Variants in ATAD2 observed in about 807,000 individuals in gnomAD.
ATAD2 encodes the protein ATPase family AAA domain-containing protein 2.
Under a neutral mutation model 168.9 loss-of-function variants are expected in ATAD2, and 62 were observed. The ratio of observed to expected loss-of-function variants is 0.37; its 90% CI spans 0.30 to 0.45. ATAD2 has a LOEUF of 0.45. Ranked by LOEUF, ATAD2 falls within the 20% of genes least tolerant of loss-of-function variation. The pLI is 1.00. For synonymous variants in ATAD2, 613 were observed against 571.6 expected (o/e 1.07, Z -1.03); for missense variants, 1,419 against 1,667.8 (o/e 0.85, Z 2.60).
intron 27 of ATAD2, among the ~76,000 whole-genome samples, chr8:123,321,987 C>CGTTTTTTTTTTTTTTTTTTTTT (rs1827481754): frequency 7.3e-6 from 1 of 136,486 alleles, no homozygotes; most frequent in African/African-American, 2.8e-5. Context: ...GTACATAAGT[C>CGTTTTTTTTTTTTTTTTTTTTT]TTTTTTTTTT....
chr8:123,359,982 T>C (rs1438548670), intron 9 of ATAD2, among the ~76,000 whole-genome samples: 1 of 152,216 alleles, frequency 6.6e-6, no homozygotes, highest in Non-Finnish European at 1.5e-5. Context: ...AGTACTAACC[T>C]ACATTTTAAT....
chr8:123,407,890 C>G (rs1025783032), intron 1 of ATAD2, among the ~76,000 whole-genome samples: 6 of 151,904 alleles, frequency 3.9e-5, no homozygotes, highest in African/African-American at 1.4e-4. Flanking sequence ...TTGTTGGTAA[C>G]CCCTAATTGC....
chr8:123,405,602 T>C (rs889125574), intron 1 of ATAD2, among the ~76,000 whole-genome samples: 1 of 152,246 alleles, frequency 6.6e-6, no homozygotes, highest in South Asian at 2.1e-4. Flanking sequence ...CAAGTAAGTA[T>C]GAGCATGTGT....
At position 123,396,389 on chromosome 8, in the gene ATAD2, C is replaced by A. The variant is rs1812831569; in HGVS notation, c.-32G>T. The stretch of plus-strand genomic sequence containing the variant: ...TCCCTACTGGCCTCGGCGTGCGCGA[C>A]CGGAGAGAGATCCAGCTCCAGGCGC... On this transcript the variant is annotated 5_prime_UTR_variant, in exon 1 of 28. Transcript: ENST00000287394. 1 of 1,531,688 alleles carries A rather than the reference C, an allele frequency of 6.5e-7. No individual in the cohort carries two copies. The highest frequency in any genetic ancestry group is 8.8e-7 in the Non-Finnish European group (1 of 1,140,788). The allele number at this position is 1,531,688 out of a possible 1,614,324, so 94.9% of individuals were successfully genotyped here.
chr8:123,341,523 T>G (rs1204034115), intron 19 of ATAD2, among the ~76,000 whole-genome samples: 3 of 152,250 alleles, frequency 2.0e-5, no homozygotes, highest in Non-Finnish European at 2.9e-5. Flanking sequence ...ACTTCATTCA[T>G]TCTGGCTCTG....
rs1827426717 is a variant in ATAD2 at position 123,320,058 on chromosome 8, TA to T, written c.*1075del. 1 of 152,176 alleles carries T rather than the reference TA, an allele frequency of 6.6e-6. No individual in the cohort carries two copies. The highest frequency in any genetic ancestry group is 6.6e-5 in the Admixed American group (1 of 15,260). 9.4% of individuals were successfully genotyped at this position (152,176 alleles called of 1,614,324 possible). On this transcript the variant is annotated 3_prime_UTR_variant, in exon 28 of 28. Transcript: ENST00000287394. The stretch of plus-strand genomic sequence containing the variant: ...ATAAGATAGTATGTACTAATTAAGG[TA>T]TTGAATTCACTGGGTTTTAGAAGGC...
intron 1 of ATAD2, among the ~76,000 whole-genome samples, chr8:123,389,045 C>A (rs1188882424): frequency 6.6e-6 from 1 of 151,266 alleles, no homozygotes; most frequent in Non-Finnish European, 1.5e-5. Context: ...TGGCTCACTG[C>A]AAGCTCCGCC....
intron 9 of ATAD2, among the ~76,000 whole-genome samples, chr8:123,360,895 C>T (rs1187749725): frequency 2.0e-5 from 3 of 150,338 alleles, no homozygotes; most frequent in Admixed American, 1.3e-4. Flanking sequence ...TAAAGCCTTC[C>T]GTTTTCCTTA....
At position 123,396,288 on chromosome 8, in the gene ATAD2, G is replaced by A; in HGVS notation, c.70C>T (p.Leu24=). Reference sequence around the variant, plus strand: ...TCCAGACTGAGGAAGTCACTGGACAGGTCCAAGGAGCCCGTGGCCGAGGCC... The same window carrying A: ...TCCAGACTGAGGAAGTCACTGGACAAGTCCAAGGAGCCCGTGGCCGAGGCC... ...SAASATGSLD[L]SSDFLSLEHI... The change falls in exon 1 of 28, where the codon CTG becomes TTG. Residue 24 remains leucine (L), a synonymous_variant. Transcript: ENST00000287394. 5 of 1,611,046 alleles carry A rather than the reference G, an allele frequency of 3.1e-6. No homozygotes were observed. Among genetic ancestry groups the A allele is most frequent in the Non-Finnish European group, 3.4e-6 (4 of 1,179,236 alleles).
At chr8:123,401,870 A>G in intron 1 of ATAD2, 1 of 763,734 alleles carries the variant, frequency 1.3e-6, no homozygotes, top group South Asian at 1.3e-5. Context: ...TGAGGAGGAT[A>G]AGGTGAAGAT....
intron 13 of ATAD2, among the ~76,000 whole-genome samples, chr8:123,354,379 A>G (rs1319669406): frequency 6.6e-6 from 1 of 152,116 alleles, no homozygotes; most frequent in Non-Finnish European, 1.5e-5. Context: ...TTTTTGGTTA[A>G]AATAACTTGA....
Position 123,373,694 on chromosome 8 carries a change from C to G in ATAD2, c.321-1008G>C, listed in dbSNP as rs574774634. ...GTCCCAGATACTCAGAAGGCTGAGG[C>G]AGGAGAATGGCGTGAACCCAGGAGG... On this transcript the variant is annotated intron_variant, in intron 2 of 27. Coordinates refer to ENST00000287394, the MANE Select transcript of ATAD2 (RefSeq NM_014109.4). Among the ~76,000 whole-genome samples the G allele has an allele frequency of 9.9e-4, 147 of 149,018 alleles. 2 individuals carry two copies. The Middle Eastern group carries it at 0.024, about 25-fold the overall frequency.
intron 22 of ATAD2, among the ~76,000 whole-genome samples, 177 bp downstream of exon 22, chr8:123,336,196 C>T (rs918953159): frequency 6.6e-6 from 1 of 152,016 alleles, no homozygotes; most frequent in Non-Finnish European, 1.5e-5. Flanking sequence ...GAAGTGTGAC[C>T]TTCAGCAATG....
chr8:123,358,018 C>T (rs1586880153), intron 11 of ATAD2, among the ~76,000 whole-genome samples: 2 of 152,112 alleles, frequency 1.3e-5, no homozygotes, highest in Admixed American at 6.5e-5. Flanking sequence ...TATGTAATCA[C>T]ATATCACAAT....
chr8:123,367,314 G>T (rs1041777206), intron 8 of ATAD2, among the ~76,000 whole-genome samples: 1 of 152,196 alleles, frequency 6.6e-6, no homozygotes, highest in African/African-American at 2.4e-5. Flanking sequence ...CTACTCGGGG[G>T]GCTGAGGCAG....
chr8:123,381,247 T>C (rs1829484510), intron 1 of ATAD2, among the ~76,000 whole-genome samples: 1 of 152,162 alleles, frequency 6.6e-6, no homozygotes, highest in South Asian at 2.1e-4. Flanking sequence ...CCTGCAATCC[T>C]AGCATTTTGG....
At chr8:123,377,108 A>AAAAAAAAAAAAAAAAAAAAAC (rs1829341169) in intron 2 of ATAD2, among the ~76,000 whole-genome samples, 1 of 144,758 alleles carries the variant, frequency 6.9e-6, no homozygotes, top group Non-Finnish European at 1.5e-5. Flanking sequence ...AAAAAAAAAA[A>AAAAAAAAAAAAAAAAAAAAAC]AAAAGAGCCA....
chr8:123,357,420 A>G (rs1828683855), intron 12 of ATAD2, 142 bp downstream of exon 12: 1 of 836,374 alleles, frequency 1.2e-6, no homozygotes, highest in African/African-American at 1.8e-5. Context: ...CTCGACATAT[A>G]AAAGAAAATA....
At chr8:123,333,842 T>C in intron 24 of ATAD2, 36 bp downstream of exon 24, 1 of 1,555,094 alleles carries the variant, frequency 6.4e-7, no homozygotes, top group Non-Finnish European at 8.7e-7. Context: ...AGAATAAAGT[T>C]ATAATTTCAT....
Sources: allele counts gnomAD v4.1 joint callset (sites outside exome capture counted in the v4.1 genomes callset), GRCh38; gene constraint gnomAD v4.1.1; transcripts MANE v1.5; gene names NCBI Gene and HGNC (gene_info 2026-07-23, HGNC 2026-07-21).